The following IFFO2 variants were observed in gnomAD, a reference collection of about 807,000 sequenced individuals.
The protein encoded by IFFO2 is intermediate filament family orphan 2.
In IFFO2, 19 loss-of-function variants were observed where a neutral mutation model predicts 53.5. The ratio of observed to expected loss-of-function variants is 0.36; its 90% confidence interval spans 0.25 to 0.52. The LOEUF is 0.52. IFFO2 is among the 20% of genes least tolerant of loss of function. The pLI is 0.94. For synonymous variants in IFFO2, 303 were observed against 313.6 expected (o/e 0.97, Z 0.36); for missense variants, 570 against 727.4 (o/e 0.78, Z 2.49).
chr1:18,950,150 C>T (rs1430868143), intron 1 of IFFO2, among the ~76,000 whole-genome samples: 4 of 152,142 alleles, frequency 2.6e-5, no homozygotes, highest in Non-Finnish European at 1.5e-5. Flanking sequence ...TCCGGAGGCA[C>T]AAATCAACTG....
At chr1:18,934,057 CTT>C (rs71577808) in intron 1 of IFFO2, among the ~76,000 whole-genome samples, 37 of 70,304 alleles carry the variant, frequency 5.3e-4, no homozygotes, top group African/African-American at 2.4e-3. Flanking sequence ...TCTCTTATTT[CTT>C]TTTTTTTTTT....
At chr1:18,950,488 G>A (rs936432875) in intron 1 of IFFO2, among the ~76,000 whole-genome samples, 1 of 152,150 alleles carries the variant, frequency 6.6e-6, no homozygotes, top group East Asian at 1.9e-4. Context: ...AGGACGAAGC[G>A]GGGAGCTCCA....
intron 1 of IFFO2, among the ~76,000 whole-genome samples, chr1:18,923,501 G>T (rs938700875): frequency 1.3e-5 from 2 of 152,222 alleles, no homozygotes; most frequent in Non-Finnish European, 2.9e-5. Context: ...TGGGGGGTAC[G>T]TTCTGGGCCC....
intron 1 of IFFO2, among the ~76,000 whole-genome samples, chr1:18,937,566 G>A (rs972974304): frequency 5.9e-5 from 9 of 152,186 alleles, no homozygotes; most frequent in African/African-American, 1.9e-4. Flanking sequence ...AAGATGAGAC[G>A]GGGAATGAAA....
intron 1 of IFFO2, among the ~76,000 whole-genome samples, chr1:18,924,998 G>A (rs1333570043): frequency 6.6e-6 from 1 of 152,162 alleles, no homozygotes; most frequent in African/African-American, 2.4e-5. Context: ...CTCCAGCCAC[G>A]GCTGACACGG....
chr1:18,941,671 T>C (rs1936524183), intron 1 of IFFO2, among the ~76,000 whole-genome samples: 2 of 152,304 alleles, frequency 1.3e-5, no homozygotes, highest in African/African-American at 4.8e-5. Context: ...AGAATGAGCT[T>C]GCATGTGTGG....
intron 7 of IFFO2, 104 bp downstream of exon 7, chr1:18,911,280 C>T (rs1461887617): frequency 3.8e-6 from 2 of 530,060 alleles, no homozygotes; most frequent in Non-Finnish European, 6.2e-6. Context: ...CTGCCCCACT[C>T]TACCAGCCCC....
intron 1 of IFFO2, 73 bp downstream of exon 1, chr1:18,955,595 C>A (rs559507860): frequency 2.8e-5 from 42 of 1,486,920 alleles, no homozygotes; most frequent in Non-Finnish European, 3.7e-5. Context: ...GCCCCCGTCC[C>A]GCATACGCAT....
intron 5 of IFFO2, among the ~76,000 whole-genome samples, chr1:18,913,101 C>T (rs1210667423): frequency 6.6e-6 from 1 of 152,260 alleles, no homozygotes; most frequent in Non-Finnish European, 1.5e-5. Flanking sequence ...CCTGCCCTCC[C>T]TCAACTCCTT....
At position 18,918,331 on chromosome 1, in the gene IFFO2, G is replaced by A. The variant is rs773578021; in HGVS notation, c.963+31C>T. ...CAGGGCTGCTCTGGGAGAGTGGGGGGTTGGCTGGTGAGCAGGGCAGCCCTA... is the reference window on the plus strand; with the variant it reads ...CAGGGCTGCTCTGGGAGAGTGGGGGATTGGCTGGTGAGCAGGGCAGCCCTA... On this transcript the variant is annotated intron_variant, in intron 4 of 8. Transcript: ENST00000455833. This position sits in a 1 kb window ranked among gnomAD's most constrained non-coding sequence, Gnocchi z 5.2. 1 of 1,540,932 alleles carries A rather than the reference G, an allele frequency of 6.5e-7. No homozygotes were observed. The highest frequency in any genetic ancestry group is 8.8e-7 in the Non-Finnish European group (1 of 1,138,180).
chr1:18,914,122 C>T (rs1298073687), intron 5 of IFFO2, among the ~76,000 whole-genome samples: 1 of 152,246 alleles, frequency 6.6e-6, no homozygotes, highest in Non-Finnish European at 1.5e-5. Flanking sequence ...TGAGCCACCG[C>T]GCCCGGCCTG....
Position 18,908,644 on chromosome 1 carries a change from C to T in IFFO2, c.1471G>A (p.Val491Met), listed in dbSNP as rs41273179. 9,835 of 1,551,470 alleles carry T rather than the reference C, an allele frequency of 6.3e-3. 176 individuals are homozygous for T. The highest frequency in any genetic ancestry group is 0.043 in the South Asian group (3,579 of 84,046). The change falls in exon 9 of 9, where the codon GTG becomes ATG. Residue 491 changes from valine to methionine, a missense_variant. Val to Met is a conservative substitution (Grantham distance 21, BLOSUM62 1). Coordinates refer to ENST00000455833, the MANE Select transcript of IFFO2 (RefSeq NM_001136265.2). ...GTACTTCCTGAGTCGCTGCTGGCCA[C>T]GGAGCTGGGGGACGGTGAATTCCTG... ...ADRNSPSPSS[V>M]ASSDSGSTDE... is the part of the protein sequence containing the mutation.
intron 1 of IFFO2, among the ~76,000 whole-genome samples, chr1:18,933,695 C>T (rs556007469): frequency 1.3e-5 from 2 of 152,264 alleles, no homozygotes; most frequent in South Asian, 4.1e-4. Flanking sequence ...GACCTCAAGG[C>T]TGCAGTGAGC....
chr1:18,931,091 G>A (rs972756510), intron 1 of IFFO2, among the ~76,000 whole-genome samples: 16 of 152,234 alleles, frequency 1.1e-4, no homozygotes, highest in African/African-American at 3.6e-4. Context: ...AGGATCCCTC[G>A]AGCCTAGTAG....
rs555604341 is a variant in IFFO2 at position 18,919,725 on chromosome 1, C to T, written c.775G>A (p.Glu259Lys). 5.8e-6 allele frequency: 9 copies of T among 1,551,540 alleles called. No individual in the cohort carries two copies. Among genetic ancestry groups the T allele is most frequent in the Non-Finnish European group, 7.0e-6 (8 of 1,146,984 alleles). The change falls in exon 3 of 9, where the codon GAG (glutamate) becomes AAG (lysine). Residue 259 changes from glutamate (E) to lysine (K), a missense_variant. Transcript: ENST00000455833. The surrounding 1 kb of genome is among the most constrained non-coding windows in gnomAD (Gnocchi z 4.9). ...AIQEEMNEKI[E>K]RLKAELVVFK... ...ACCACCAGCTCGGCCTTGAGCCGCT[C>T]GATCTTCTCATTCATCTCCTCCTGG...
At position 18,917,213 on chromosome 1, in the gene IFFO2, G is replaced by A. The variant is rs191124518; in HGVS notation, c.964-171C>T. ...GAAGCAGGCGGCGTTAGCAGGAAGC[G>A]CGAGGTGGGAGACATGCAGGGGGAC... On this transcript the variant is annotated intron_variant, in intron 4 of 8. Transcript: ENST00000455833. The surrounding 1 kb of genome is among the most constrained non-coding windows in gnomAD (Gnocchi z 5.9). 9.6e-3 allele frequency among the ~76,000 whole-genome samples: 1,459 copies of A among 152,300 alleles called. 13 individuals are homozygous for A. The highest frequency in any genetic ancestry group is 0.015 in the Non-Finnish European group (1,014 of 68,024).
At chr1:18,943,906 C>A (rs1338936372) in intron 1 of IFFO2, among the ~76,000 whole-genome samples, 1 of 152,212 alleles carries the variant, frequency 6.6e-6, no homozygotes, top group African/African-American at 2.4e-5. Context: ...ACTGTACAGG[C>A]TCCGAGTCAT....
rs1553156926 is a variant in IFFO2, at chr1:18,911,550, T to TATTC, written c.1225-78_1225-75dup. On this transcript the variant is annotated intron_variant, in intron 6 of 8. Transcript: ENST00000455833. ...TTATTTATTTATTTATTTATTTATT[T>TATTC]ATTCTTGAGACGGAGTCTCGCTCTG... 4.0e-4 allele frequency: 283 copies of TATTC among 707,558 alleles called. 2 individuals are homozygous for TATTC. The highest frequency in any genetic ancestry group is 1.6e-3 in the Middle Eastern group (3 of 1,902). 43.8% of individuals were successfully genotyped at this position (707,558 alleles called of 1,614,324 possible).
chr1:18,942,893 C>T (rs1026005215), intron 1 of IFFO2, among the ~76,000 whole-genome samples: 9 of 146,706 alleles, frequency 6.1e-5, no homozygotes, highest in African/African-American at 2.3e-4. Context: ...GGCTGGAGTG[C>T]AGTGGCAAGA....
Sources: gnomAD v4.1 joint callset for allele counts (sites outside exome capture counted in the v4.1 genomes callset) on GRCh38, gnomAD v4.1.1 for gene constraint, Gnocchi (gnomAD v3.1) non-coding constraint, MANE v1.5 for transcripts, NCBI Gene and HGNC (gene_info 2026-07-23, HGNC 2026-07-21) for gene names.